The following TASOR variants were observed in gnomAD, a reference collection of about 807,000 sequenced individuals.
The protein encoded by TASOR is transcription activation suppressor, also known as protein TASOR.
A neutral mutation model predicts 178.6 loss-of-function variants in TASOR; 53 were observed. That is an observed-to-expected ratio of 0.30 (90% CI 0.24 to 0.37). TASOR has a LOEUF of 0.37. Among genes scored for constraint, TASOR ranks in the 10% least tolerant of loss-of-function variants. The pLI is 1.00. For missense variants in TASOR, 1,815 were observed against 1,971.4 expected (o/e 0.92, Z 1.50); for synonymous variants, 713 against 696.2 (o/e 1.02, Z -0.38).
Position 56,647,078 on chromosome 3 carries a change from A to G in TASOR, c.1659T>C (p.Val553=). 1 of 1,606,542 alleles carries G rather than the reference A, an allele frequency of 6.2e-7. No individual in the cohort carries two copies. Among genetic ancestry groups the G allele is most frequent in the Non-Finnish European group, 8.5e-7 (1 of 1,178,336 alleles). ...KNISAINFHS[V]VEKYVSEFFK... ...AAAATTCACTTACATACTTTTCAACAACAGAATGAAAATTTATGGCGCTTA... is the reference window on the plus strand; with the variant it reads ...AAAATTCACTTACATACTTTTCAACGACAGAATGAAAATTTATGGCGCTTA... Residue 553 remains valine (V), a synonymous_variant, in exon 14 of 24, where the codon GTT becomes GTC. Coordinates refer to ENST00000683822, the MANE Select transcript of TASOR (RefSeq NM_001365635.2).
chr3:56,682,973 G>C lies in TASOR; in HGVS notation c.34C>G (p.Pro12Ala). 6.5e-7 allele frequency: 1 copy of C among 1,549,138 alleles called. No homozygotes were observed. The highest frequency in any genetic ancestry group is 8.7e-7 in the Non-Finnish European group (1 of 1,146,174). The change falls in exon 1 of 24, where the codon CCG becomes GCG. Residue 12 changes from proline (P) to alanine (A), a missense_variant. Around this residue, in one of 5 missense-constraint regions of TASOR, gnomAD observed 244 missense variants for 202.7 expected, o/e 1.20. Transcript: ENST00000683822. ...ATAVETEACQ[P>A]TDASWESGGG... ...CCACTTTCCCAACTCGCATCCGTCG[G>C]CTGACAGGCCTCCGTCTCCACAGCA...
At chr3:56,626,905 T>C (rs2076811705) in intron 21 of TASOR, 132 bp downstream of exon 21, 3 of 584,524 alleles carry the variant, frequency 5.1e-6, no homozygotes, top group Non-Finnish European at 6.1e-6. Flanking sequence ...TCAGTATCTA[T>C]ACTCAATTAT....
intron 18 of TASOR, among the ~76,000 whole-genome samples, chr3:56,631,592 T>G (rs574966681): frequency 1.4e-4 from 15 of 104,914 alleles, no homozygotes; most frequent in South Asian, 5.5e-4. Flanking sequence ...TTGTTTTTTT[T>G]TTTTTTTTTG....
At chr3:56,665,459 C>A (rs555662086) in intron 7 of TASOR, among the ~76,000 whole-genome samples, 1 of 152,030 alleles carries the variant, frequency 6.6e-6, no homozygotes, top group East Asian at 2.0e-4. Flanking sequence ...CAGGTTCAAG[C>A]GATTCTCTTG....
rs2076392449 is a variant in TASOR at position 56,620,830 on chromosome 3, T to G, written c.*2207A>C. On this transcript the variant is annotated 3_prime_UTR_variant, in exon 24 of 24. Transcript: ENST00000683822. ...TCAGCAGGACCCTTCTGTTAGCATC[T>G]AAGGTAAGGTTAGGACAGTCAAGAT... is the stretch of plus-strand genomic sequence containing the variant. 6.6e-6 allele frequency: 1 copy of G among 152,182 alleles called. No individual in the cohort carries two copies. The highest frequency in any genetic ancestry group is 6.6e-5 in the Admixed American group (1 of 15,262). 9.4% of individuals were successfully genotyped at this position (152,182 alleles called of 1,614,324 possible).
chr3:56,674,224 A>AAAAAAG (rs1559854358), intron 1 of TASOR, among the ~76,000 whole-genome samples: 1 of 138,804 alleles, frequency 7.2e-6, no homozygotes, highest in Non-Finnish European at 1.5e-5. Flanking sequence ...AAAAAAAAAA[A>AAAAAAG]GCTTGGTGGC....
At position 56,620,681 on chromosome 3, in the gene TASOR, A is replaced by AGTT. The variant is rs1363916403; in HGVS notation, c.*2353_*2355dup. ...ACAGGGTTACTAAGAGTTTTACATA[A>AGTT]GTTATTTCTTTAGAGTGACGAAGTG... On this transcript the variant is annotated 3_prime_UTR_variant, in exon 24 of 24. Transcript: ENST00000683822. The AGTT allele has an allele frequency of 6.6e-6, 1 of 152,220 alleles. No individual in the cohort carries two copies. 9.4% of individuals were successfully genotyped at this position (152,220 alleles called of 1,614,324 possible).
rs576202769 is a variant in TASOR at position 56,672,616 on chromosome 3, T to G, written c.478-924A>C. Among the ~76,000 whole-genome samples the G allele has an allele frequency of 2.6e-5, 4 of 152,368 alleles. No homozygotes were observed. In the South Asian group the frequency reaches 8.3e-4, roughly 32 times the overall value. On this transcript the variant is annotated intron_variant, in intron 2 of 23. Coordinates refer to ENST00000683822, the MANE Select transcript of TASOR (RefSeq NM_001365635.2). ...GTTCACTGTCTAACATGCTCAATTA[T>G]TCTTCTTTGTTTGAACTTTTTCACT...
In TASOR at chr3:56,682,974, C is replaced by G. The variant is rs1250125274; in HGVS notation, c.33G>C (p.Gln11His). Residue 11 changes from glutamine (Q) to histidine (H), a missense_variant, in exon 1 of 24, where the codon CAG becomes CAC. Around this residue, in one of 5 missense-constraint regions of TASOR, gnomAD observed 244 missense variants for 202.7 expected, o/e 1.20. Coordinates refer to ENST00000683822, the MANE Select transcript of TASOR (RefSeq NM_001365635.2). ...CACTTTCCCAACTCGCATCCGTCGG[C>G]TGACAGGCCTCCGTCTCCACAGCAG... MATAVETEAC[Q>H]PTDASWESGG... The G allele has an allele frequency of 6.5e-7, 1 of 1,549,060 alleles. No individual in the cohort carries two copies. The highest frequency in any genetic ancestry group is 2.4e-5 in the East Asian group (1 of 40,874).
chr3:56,650,185 A>G (rs1370137181), intron 11 of TASOR, among the ~76,000 whole-genome samples: 2 of 152,372 alleles, frequency 1.3e-5, no homozygotes, highest in African/African-American at 2.4e-5. Flanking sequence ...CTGAGCTCTG[A>G]AAGAAAACTC....
At chr3:56,639,917 T>C (rs760770120) in intron 16 of TASOR, 69 bp downstream of exon 16, 1 of 1,409,628 alleles carries the variant, frequency 7.1e-7, no homozygotes, top group Admixed American at 2.3e-5. Flanking sequence ...CCACAGAAGA[T>C]GGAAACATTC....
intron 11 of TASOR, among the ~76,000 whole-genome samples, chr3:56,656,335 C>T (rs1483243826): frequency 6.6e-6 from 1 of 152,166 alleles, no homozygotes; most frequent in African/African-American, 2.4e-5. Flanking sequence ...CACCTGTAAT[C>T]CCAGCACTTT....
chr3:56,677,277 C>G (rs2031385830), intron 1 of TASOR, among the ~76,000 whole-genome samples: 1 of 152,126 alleles, frequency 6.6e-6, no homozygotes, highest in African/African-American at 2.4e-5. Context: ...CTGTGTCTAT[C>G]CAAATAGGGA....
rs7619518 is a variant in TASOR at position 56,620,220 on chromosome 3, T to C, written c.*2817A>G. On this transcript the variant is annotated 3_prime_UTR_variant, in exon 24 of 24. Transcript: ENST00000683822. ...GGCCCTAAAACAAAAAATACAGTTA[T>C]GCTTTAACAAATTCTTAGCAATGTG... The C allele has an allele frequency of 2.4e-3, 413 of 171,254 alleles. 1 individual carries two copies. Among genetic ancestry groups the C allele is most frequent in the African/African-American group, 6.9e-3 (289 of 42,124 alleles). 10.6% of individuals were successfully genotyped at this position (171,254 alleles called of 1,614,324 possible). A position where few individuals can be genotyped will look rare whatever the true frequency, so the allele number is the denominator to read the frequency against.
chr3:56,679,138 T>G (rs1308397560), intron 1 of TASOR, among the ~76,000 whole-genome samples: 1 of 152,198 alleles, frequency 6.6e-6, no homozygotes, highest in Non-Finnish European at 1.5e-5. Context: ...ATCTGAAATT[T>G]TCTGAATTCA....
rs1022816644 is a variant in TASOR, at chr3:56,660,501, A to AAAC, written c.1368+229_1368+230insGTT. 1.3e-5 allele frequency among the ~76,000 whole-genome samples: 2 copies of AAAC among 151,742 alleles called. 1 individual carries two copies. Among genetic ancestry groups the AAAC allele is most frequent in the African/African-American group, 4.8e-5 (2 of 41,290 alleles). On this transcript the variant is annotated intron_variant, in intron 11 of 23. Coordinates refer to ENST00000683822, the MANE Select transcript of TASOR (RefSeq NM_001365635.2). The stretch of plus-strand genomic sequence containing the variant: ...CAAGACTCCGTCTCAAAAAAAAAAA[A>AAAC]AAAAAAAAGATATTCCATGGGAAAG...
intron 18 of TASOR, among the ~76,000 whole-genome samples, chr3:56,632,008 C>A (rs2076925852): frequency 1.3e-5 from 2 of 152,130 alleles, no homozygotes; most frequent in Non-Finnish European, 2.9e-5. Flanking sequence ...GTTTCTTGAT[C>A]AATAAAGGCT....
At chr3:56,669,537 CA>C (rs1404408170) in intron 5 of TASOR, among the ~76,000 whole-genome samples, 162 bp downstream of exon 5, 1 of 151,990 alleles carries the variant, frequency 6.6e-6, no homozygotes, top group African/African-American at 2.4e-5. Flanking sequence ...ACAACACACA[CA>C]CAAAAAAAGA....
At chr3:56,652,018 A>C (rs146104912) in intron 11 of TASOR, among the ~76,000 whole-genome samples, 1 of 152,350 alleles carries the variant, frequency 6.6e-6, no homozygotes, top group Non-Finnish European at 1.5e-5. Context: ...TGAAGTTCTG[A>C]TATATGCTAC....
Sources: gnomAD v4.1 joint callset for allele counts (sites outside exome capture counted in the v4.1 genomes callset) on GRCh38, gnomAD v4.1.1 for gene constraint, gnomAD v4.1.1 regional missense constraint, MANE v1.5 for transcripts, NCBI Gene and HGNC (gene_info 2026-07-23, HGNC 2026-07-21) for gene names.